Variants in EFR3A observed in about 807,000 individuals in gnomAD.
EFR3A encodes EFR3 homolog A.
A neutral mutation model predicts 104.4 loss-of-function variants in EFR3A; 76 were observed. That is an observed-to-expected ratio of 0.73 (90% CI 0.60 to 0.88). The LOEUF is 0.88. EFR3A is among the 40% of genes least tolerant of loss of function. The probability of loss-of-function intolerance (pLI) is 0.00; values close to 1 mark genes in which losing one functional copy is unlikely to be tolerated. For synonymous variants in EFR3A, 330 were observed against 330.0 expected (o/e 1.00, Z 0.00); for missense variants, 985 against 1,012.5 (o/e 0.97, Z 0.37).
intron 18 of EFR3A, among the ~76,000 whole-genome samples, chr8:131,989,572 A>G (rs979663521): frequency 1.3e-5 from 2 of 152,210 alleles, no homozygotes; most frequent in African/African-American, 4.8e-5. Flanking sequence ...TAGTTGCTTA[A>G]TAAATTATTT....
chr8:131,977,174 G>T (rs769882685), intron 12 of EFR3A, 82 bp downstream of exon 12: 4 of 982,574 alleles, frequency 4.1e-6, no homozygotes, highest in South Asian at 3.6e-5. Flanking sequence ...TGTTACAACC[G>T]TTCTTTCTTA....
At chr8:131,933,523 C>G (rs1227902170) in intron 1 of EFR3A, among the ~76,000 whole-genome samples, 1 of 151,958 alleles carries the variant, frequency 6.6e-6, no homozygotes, top group Non-Finnish European at 1.5e-5. Flanking sequence ...ATTCTAGAAG[C>G]TTTTCGAATG....
chr8:131,919,647 T>C (rs1563623913), intron 1 of EFR3A, among the ~76,000 whole-genome samples: 2 of 151,144 alleles, frequency 1.3e-5, no homozygotes, highest in Non-Finnish European at 3.0e-5. Context: ...ATGAGGAAAC[T>C]TGATTTTTAC....
chr8:131,908,695 C>T (rs1816372175), intron 1 of EFR3A, among the ~76,000 whole-genome samples: 2 of 152,156 alleles, frequency 1.3e-5, no homozygotes, highest in Non-Finnish European at 2.9e-5. Flanking sequence ...TAAGTCCCAG[C>T]TCTTTTTTCA....
rs997017731 is a variant in EFR3A at position 131,983,946 on chromosome 8, A to G, written c.1576-193A>G. On this transcript the variant is annotated intron_variant, in intron 14 of 22. Coordinates refer to ENST00000254624, the MANE Select transcript of EFR3A (RefSeq NM_015137.6). ...TTTAAGGTTTGTCTTCAACTTTAACATTAGTTTGTAGTTGTATATTAGCAT... is the reference window on the plus strand; with the variant it reads ...TTTAAGGTTTGTCTTCAACTTTAACGTTAGTTTGTAGTTGTATATTAGCAT... Among the ~76,000 whole-genome samples the G allele has an allele frequency of 3.9e-5, 6 of 152,180 alleles. 1 individual carries two copies. Among genetic ancestry groups the G allele is most frequent in the Non-Finnish European group, 4.4e-5 (3 of 68,032 alleles).
chr8:131,913,756 A>C (rs59525889), intron 1 of EFR3A, among the ~76,000 whole-genome samples: 60,602 of 151,888 alleles, frequency 0.4, 12,498 homozygotes, highest in East Asian at 0.61. Flanking sequence ...AGTTCCCTTG[A>C]TGTGGTTACA....
chr8:131,948,866 T>A (rs1818564270), intron 4 of EFR3A, among the ~76,000 whole-genome samples: 1 of 152,176 alleles, frequency 6.6e-6, no homozygotes, highest in Non-Finnish European at 1.5e-5. Flanking sequence ...TGACCAGTGC[T>A]AATTTAAAAT....
intron 22 of EFR3A, 29 bp downstream of exon 22, chr8:132,003,314 AACAC>A: frequency 1.3e-6 from 2 of 1,594,320 alleles, no homozygotes; most frequent in Non-Finnish European, 1.7e-6. Context: ...CAATAGCAAT[AACAC>A]ACACACACGA....
At chr8:131,934,347 G>A (rs1817767879) in intron 1 of EFR3A, among the ~76,000 whole-genome samples, 1 of 152,010 alleles carries the variant, frequency 6.6e-6, no homozygotes, top group Admixed American at 6.6e-5. Context: ...CTTCACGGGA[G>A]TCCTCAGTAT....
At chr8:131,940,736 C>A in intron 2 of EFR3A, 161 bp downstream of exon 2, 1 of 1,195,676 alleles carries the variant, frequency 8.4e-7, no homozygotes, top group Non-Finnish European at 1.1e-6. Flanking sequence ...TCTTAAATGA[C>A]CCATGCTTGC....
At chr8:131,994,022 A>C (rs1586666599) in intron 18 of EFR3A, among the ~76,000 whole-genome samples, 1 of 152,110 alleles carries the variant, frequency 6.6e-6, no homozygotes, top group South Asian at 2.1e-4. Context: ...CTGTACAACA[A>C]ACCCCCATGA....
At position 131,968,371 on chromosome 8, in the gene EFR3A, G is replaced by A. The variant is rs773689284; in HGVS notation, c.932G>A (p.Arg311Gln). 10 of 1,613,604 alleles carry A rather than the reference G, an allele frequency of 6.2e-6. No individual in the cohort carries two copies. Among genetic ancestry groups the A allele is most frequent in the Admixed American group, 1.7e-5 (1 of 59,968 alleles). ...DARKKDAPRVRAGIIQVLLEA... is the reference protein window; with the variant it reads ...DARKKDAPRVQAGIIQVLLEA... ...CGTAAAAAAGATGCTCCCCGGGTTC[G>A]AGCAGGTATTATTCAGGTTCTGTTA... Residue 311 changes from arginine (R) to glutamine (Q), a missense_variant, in exon 9 of 23, where the codon CGA becomes CAA. Transcript: ENST00000254624.
chr8:131,946,721 G>T (rs936255204), intron 4 of EFR3A, 88 bp downstream of exon 4: 2 of 1,281,430 alleles, frequency 1.6e-6, no homozygotes, highest in Non-Finnish European at 2.1e-6. Flanking sequence ...CCTGGTAAAG[G>T]CAAATTCCCT....
At chr8:131,984,008 A>G in intron 14 of EFR3A, 131 bp from the exon 15 acceptor site, 5 of 657,032 alleles carry the variant, frequency 7.6e-6, no homozygotes, top group Non-Finnish European at 1.1e-5. Context: ...TGACTATCTG[A>G]TCAACTTAAA....
intron 22 of EFR3A, among the ~76,000 whole-genome samples, chr8:132,004,479 G>A (rs1157670086): frequency 5.9e-5 from 9 of 152,182 alleles, no homozygotes; most frequent in Non-Finnish European, 1.2e-4. Flanking sequence ...ATGATCTGAG[G>A]TGGATCAATT....
intron 1 of EFR3A, among the ~76,000 whole-genome samples, chr8:131,922,986 T>C (rs1327333313): frequency 1.3e-5 from 2 of 152,170 alleles, no homozygotes; most frequent in African/African-American, 4.8e-5. Flanking sequence ...AATAACACTT[T>C]CTATTGAGAC....
rs765289376 is a variant in EFR3A at position 131,984,221 on chromosome 8, C to T, written c.1658C>T (p.Thr553Ile). 2 of 1,611,690 alleles carry T rather than the reference C, an allele frequency of 1.2e-6. No homozygotes were observed. Among genetic ancestry groups the T allele is most frequent in the Non-Finnish European group, 1.7e-6 (2 of 1,178,770 alleles). The change falls in exon 15 of 23, where the codon ACT (threonine) becomes ATT (isoleucine). Residue 553 changes from threonine (T) to isoleucine (I), a missense_variant. Transcript: ENST00000254624. ...NVQKNYELLY[T>I]SLALITIELA... ...CAGAAAAACTATGAACTACTTTATA[C>T]TTCTCTTGCTCTTATAACTATTGAA...
chr8:131,970,091 G>A (rs1819965689), intron 9 of EFR3A, among the ~76,000 whole-genome samples: 1 of 152,148 alleles, frequency 6.6e-6, no homozygotes, highest in Non-Finnish European at 1.5e-5. Context: ...GCTTCTGTGA[G>A]CTATATTACA....
chr8:131,966,697 C>T (rs755003252), intron 8 of EFR3A, among the ~76,000 whole-genome samples: 2 of 152,058 alleles, frequency 1.3e-5, no homozygotes, highest in Non-Finnish European at 2.9e-5. Flanking sequence ...AGTCAGAATT[C>T]GATCTTGGGC....
Sources: allele counts gnomAD v4.1 joint callset (sites outside exome capture counted in the v4.1 genomes callset), GRCh38; gene constraint gnomAD v4.1.1; transcripts MANE v1.5; gene names NCBI Gene and HGNC (gene_info 2026-07-23, HGNC 2026-07-21).